Variants in DNAJC27 observed in about 807,000 individuals in gnomAD.
DNAJC27 encodes the protein dnaJ homolog subfamily C member 27.
In DNAJC27, 25 loss-of-function variants were observed where a neutral mutation model predicts 31.4. The ratio of observed to expected loss-of-function variants is 0.80; its 90% CI spans 0.58 to 1.11. The LOEUF is 1.11. Ranked by LOEUF, DNAJC27 falls within the 50% of genes most tolerant of loss-of-function variation. The pLI, the probability that DNAJC27 is intolerant of heterozygous loss-of-function variation, is 0.00. For missense variants in DNAJC27, 356 were observed against 347.3 expected (o/e 1.02, Z -0.20); for synonymous variants, 106 against 112.7 (o/e 0.94, Z 0.37).
At chr2:24,972,009 G>T, upstream of DNAJC27, 1 of 817,878 alleles carries the variant, frequency 1.2e-6, no homozygotes. Context: ...TCTCGTCACC[G>T]CCTCGCCTCC....
Position 24,971,883 on chromosome 2 carries a change from G to T in DNAJC27, c.22C>A (p.Arg8=). The T allele has an allele frequency of 6.2e-7, 1 of 1,605,466 alleles. No homozygotes were observed. ...CGGAGAGACCTGCCGGGCTCCTTCC[G>T]CTTCGGCATGTTGGCCTCCATGGCC... MEANMPK[R]KEPGRSLRIK... Residue 8 remains arginine, a synonymous_variant, in exon 1 of 7, where the codon CGG becomes AGG. Transcript: ENST00000264711.
intron 2 of DNAJC27, among the ~76,000 whole-genome samples, chr2:24,966,615 C>A (rs544461501): frequency 6.6e-6 from 1 of 152,138 alleles, no homozygotes; most frequent in Non-Finnish European, 1.5e-5. Context: ...TGTGCCACCA[C>A]ACCCGGCTAA....
intron 5 of DNAJC27, among the ~76,000 whole-genome samples, chr2:24,952,634 GA>G (rs1416928142): frequency 1.3e-5 from 2 of 152,002 alleles, no homozygotes; most frequent in Non-Finnish European, 2.9e-5. Context: ...GAACTGTTGA[GA>G]AAGAGTATAT....
intron 5 of DNAJC27, among the ~76,000 whole-genome samples, chr2:24,954,610 A>T (rs916244744): frequency 2.6e-5 from 4 of 152,260 alleles, no homozygotes; most frequent in Non-Finnish European, 5.9e-5. Context: ...CTCCTGAGGA[A>T]TCAAAAATCA....
At chr2:24,959,320 T>C (rs973773943) in intron 3 of DNAJC27, among the ~76,000 whole-genome samples, 1 of 152,200 alleles carries the variant, frequency 6.6e-6, no homozygotes, top group African/African-American at 2.4e-5. Flanking sequence ...GCCTTCTTCC[T>C]TTCGTTTTGA....
intron 5 of DNAJC27, among the ~76,000 whole-genome samples, chr2:24,954,287 T>C (rs1307796627): frequency 6.6e-6 from 1 of 152,156 alleles, no homozygotes; most frequent in South Asian, 2.1e-4. Flanking sequence ...CTAGTGGTGC[T>C]AGAGAAGAGC....
intron 5 of DNAJC27, among the ~76,000 whole-genome samples, chr2:24,954,066 G>A (rs1029037364): frequency 6.6e-6 from 1 of 152,152 alleles, no homozygotes; most frequent in Non-Finnish European, 1.5e-5. Flanking sequence ...GCAGACACAA[G>A]TCTCATTGAG....
chr2:24,970,141 TTG>T (rs1296900909), intron 1 of DNAJC27, among the ~76,000 whole-genome samples: 1 of 152,222 alleles, frequency 6.6e-6, no homozygotes, highest in African/African-American at 2.4e-5. Context: ...TAAATTAAAA[TTG>T]TTTTTCAATT....
At chr2:24,943,639 G>T (rs1045178180), downstream of DNAJC27, 1 of 152,516 alleles carries the variant, frequency 6.6e-6, no homozygotes, top group Admixed American at 6.6e-5. Context: ...CCACAGACCG[G>T]TGTTTGATAC....
chr2:24,951,333 T>C (rs913314683), intron 6 of DNAJC27, 61 bp downstream of exon 6: 2 of 1,496,848 alleles, frequency 1.3e-6, no homozygotes. Flanking sequence ...GCACCTATAA[T>C]TTTGGTGATG....
At position 24,944,895 on chromosome 2, in the gene DNAJC27, C is replaced by A. The variant is rs1300910472; in HGVS notation, c.*2721G>T. The A allele has an allele frequency of 6.6e-6, 1 of 152,644 alleles. No individual in the cohort carries two copies. The highest frequency in any genetic ancestry group is 1.5e-5 in the Non-Finnish European group (1 of 68,038). 9.5% of individuals were successfully genotyped at this position (152,644 alleles called of 1,614,324 possible). A position where few individuals can be genotyped will look rare whatever the true frequency, so the allele number is the denominator to read the frequency against. Reference sequence around the variant, plus strand: ...TTCTTGGTGACTCAGATGTTGAAGACATGGCTTTTCTTTAATAATAGCTAT... The same window carrying A: ...TTCTTGGTGACTCAGATGTTGAAGAAATGGCTTTTCTTTAATAATAGCTAT... On this transcript the variant is annotated 3_prime_UTR_variant, in exon 7 of 7. Coordinates refer to ENST00000264711, the MANE Select transcript of DNAJC27 (RefSeq NM_016544.3).
At chr2:24,959,543 T>C (rs898279739) in intron 3 of DNAJC27, among the ~76,000 whole-genome samples, 1 of 152,208 alleles carries the variant, frequency 6.6e-6, no homozygotes, top group African/African-American at 2.4e-5. Context: ...AAGTTCCAAC[T>C]TTCTCAAATG....
At chr2:24,954,353 C>T (rs1191292132) in intron 5 of DNAJC27, among the ~76,000 whole-genome samples, 1 of 152,102 alleles carries the variant, frequency 6.6e-6, no homozygotes, top group African/African-American at 2.4e-5. Context: ...GCCTTAACCC[C>T]TCATTAATTG....
intron 5 of DNAJC27, among the ~76,000 whole-genome samples, chr2:24,951,796 AACC>A (rs1292792686): frequency 2.0e-5 from 3 of 152,166 alleles, no homozygotes; most frequent in African/African-American, 7.2e-5. Context: ...ACTTTCAGAT[AACC>A]ACAATTGAAG....
At chr2:24,953,553 T>C (rs577346780) in intron 5 of DNAJC27, 3 of 350,456 alleles carry the variant, frequency 8.6e-6, no homozygotes, top group East Asian at 1.7e-4. Context: ...TACTTACTTA[T>C]AGAATACTGT....
At chr2:24,965,120 C>A (rs562063533) in intron 2 of DNAJC27, among the ~76,000 whole-genome samples, 1 of 151,496 alleles carries the variant, frequency 6.6e-6, no homozygotes, top group Non-Finnish European at 1.5e-5. Context: ...GCAGGAGAAT[C>A]GCTTAAACCC....
chr2:24,971,024 C>G (rs1476248900), intron 1 of DNAJC27, among the ~76,000 whole-genome samples: 3 of 152,184 alleles, frequency 2.0e-5, no homozygotes, highest in African/African-American at 7.2e-5. Context: ...AGGTTCTAAT[C>G]TTTCCTCGGT....
At chr2:24,961,612 C>T (rs543859162) in intron 3 of DNAJC27, among the ~76,000 whole-genome samples, 2 of 151,758 alleles carry the variant, frequency 1.3e-5, no homozygotes, top group Non-Finnish European at 2.9e-5. Context: ...TCAACCTTAA[C>T]AAGAGTTTGG....
chr2:24,959,752 G>T (rs1665996560), intron 3 of DNAJC27, among the ~76,000 whole-genome samples: 1 of 152,168 alleles, frequency 6.6e-6, no homozygotes, highest in African/African-American at 2.4e-5. Context: ...AGCTTTCTCT[G>T]TTCCATTCCT....
Sources: allele counts gnomAD v4.1 joint callset (sites outside exome capture counted in the v4.1 genomes callset), GRCh38; gene constraint gnomAD v4.1.1; transcripts MANE v1.5; gene names NCBI Gene and HGNC (gene_info 2026-07-23, HGNC 2026-07-21).